TBL1X: variants seen among roughly 807,000 people sequenced by gnomAD.
TBL1X encodes F-box-like/WD repeat-containing protein TBL1X.
In TBL1X, 10 loss-of-function variants were observed where a neutral mutation model predicts 50.7. The observed-to-expected ratio is 0.20, with a 90% CI of 0.12 to 0.33. TBL1X has a LOEUF of 0.33. TBL1X is among the 10% of genes least tolerant of loss of function. The pLI is 1.00. For missense variants in TBL1X, 340 were observed against 504.4 expected, an observed-to-expected ratio of 0.67 and a Z score of 3.12; for synonymous variants, 190 against 214.7, an observed-to-expected ratio of 0.88 and a Z score of 1.01.
chrX:9,644,669 T>C (rs972487645), intron 3 of TBL1X: 1 of 110,170 alleles, frequency 9.1e-6, no homozygotes, highest in African/African-American at 3.3e-5. Flanking sequence ...CTTTTTTTTT[T>C]TTTTTAGATG....
intron 2 of TBL1X, among the ~76,000 whole-genome samples, chrX:9,518,464 C>T (rs1001187177): frequency 8.9e-6 from 1 of 112,566 alleles, no homozygotes; most frequent in African/African-American, 3.2e-5. Context: ...TCGAGAGTCA[C>T]TTACTTCATG....
At chrX:9,558,338 C>T (rs916415833) in intron 2 of TBL1X, among the ~76,000 whole-genome samples, 11 of 110,811 alleles carry the variant, frequency 9.9e-5, no homozygotes, top group African/African-American at 3.0e-4. Context: ...GCCAACATGG[C>T]GAAACCCTGC....
chrX:9,530,809 T>C (rs1317773194), intron 2 of TBL1X, among the ~76,000 whole-genome samples: 1 of 112,154 alleles, frequency 8.9e-6, no homozygotes, highest in Non-Finnish European at 1.9e-5. Context: ...ACATATACTT[T>C]TAAATGGCAC....
chrX:9,681,145 T>C lies in TBL1X; in HGVS notation c.212-2898T>C, dbSNP rs5978334. On this transcript the variant is annotated intron_variant, in intron 5 of 17. Coordinates refer to ENST00000645353, the MANE Select transcript of TBL1X (RefSeq NM_005647.4). ...AGAAATCAAGGGCACACTCCCTCCG[T>C]GGGTTAGACTGAGCTTTGCACACCG... 7.5e-3 allele frequency among the ~76,000 whole-genome samples: 840 copies of C among 111,818 alleles called. 11 individuals are homozygous for C. Among genetic ancestry groups the C allele is most frequent in the African/African-American group, 0.026 (799 of 30,721 alleles).
At chrX:9,513,788 C>G (rs766552340) in intron 2 of TBL1X, among the ~76,000 whole-genome samples, 29 of 109,311 alleles carry the variant, frequency 2.7e-4, no homozygotes, top group Non-Finnish European at 5.3e-4. Context: ...TTATTTGGCA[C>G]ATAGTTCTAC....
At chrX:9,551,135 G>A (rs995682666) in intron 2 of TBL1X, among the ~76,000 whole-genome samples, 2 of 111,465 alleles carry the variant, frequency 1.8e-5, no homozygotes, top group South Asian at 3.8e-4. Context: ...TCTGCTCAGC[G>A]CACCCATGAA....
intron 1 of TBL1X, among the ~76,000 whole-genome samples, chrX:9,479,938 A>G (rs58053048): frequency 0.041 from 3,939 of 94,936 alleles, 227 homozygotes; most frequent in African/African-American, 0.15. Flanking sequence ...GGAAAGTAGA[A>G]TGTGTGTGTG....
chrX:9,474,671 G>T (rs845438), intron 1 of TBL1X, among the ~76,000 whole-genome samples: 1 of 111,861 alleles, frequency 8.9e-6, no homozygotes, highest in Non-Finnish European at 1.9e-5. Flanking sequence ...CTTTTTAAGC[G>T]TTTTATGACT....
chrX:9,560,261 G>A (rs57866330), intron 2 of TBL1X, among the ~76,000 whole-genome samples: 2,363 of 112,074 alleles, frequency 0.021, 41 homozygotes, highest in African/African-American at 0.061. Flanking sequence ...AACTTTGTTG[G>A]GAGGGTTCAG....
chrX:9,471,622 C>T (rs1322115158), intron 1 of TBL1X, among the ~76,000 whole-genome samples: 1 of 111,907 alleles, frequency 8.9e-6, no homozygotes, highest in African/African-American at 3.3e-5. Context: ...AGTTCAGAAA[C>T]CCACAGCGAG....
intron 2 of TBL1X, among the ~76,000 whole-genome samples, chrX:9,602,976 T>C (rs2082564543): frequency 8.9e-6 from 1 of 112,623 alleles, no homozygotes; most frequent in Non-Finnish European, 1.9e-5. Flanking sequence ...CATAAATCAT[T>C]GAATGATACA....
At chrX:9,660,129 G>C (rs1054878601) in intron 5 of TBL1X, among the ~76,000 whole-genome samples, 1 of 112,954 alleles carries the variant, frequency 8.9e-6, no homozygotes, top group African/African-American at 3.2e-5. Context: ...GATTCCGCAG[G>C]CTGGGCCCTG....
intron 2 of TBL1X, among the ~76,000 whole-genome samples, chrX:9,530,793 G>T (rs1344270277): frequency 9.0e-6 from 1 of 111,524 alleles, no homozygotes; most frequent in Non-Finnish European, 1.9e-5. Context: ...ATTTTTTCCC[G>T]AGAATACATA....
At chrX:9,607,415 C>T (rs2082589231) in intron 2 of TBL1X, among the ~76,000 whole-genome samples, 1 of 110,843 alleles carries the variant, frequency 9.0e-6, no homozygotes, top group African/African-American at 3.2e-5. Flanking sequence ...GTGCTGGCAC[C>T]GCCTCACCCT....
intron 1 of TBL1X, among the ~76,000 whole-genome samples, chrX:9,492,882 T>TAG (rs1213143277): frequency 4.7e-5 from 2 of 42,630 alleles, no homozygotes; most frequent in African/African-American, 8.6e-5. Context: ...TGTGTGTGTG[T>TAG]GTGTGTGTGT....
intron 11 of TBL1X, among the ~76,000 whole-genome samples, chrX:9,694,112 T>G (rs1473165415): frequency 9.0e-6 from 1 of 110,845 alleles, no homozygotes; most frequent in Non-Finnish European, 1.9e-5. Flanking sequence ...TCCTCACTTG[T>G]CCAGCGACAA....
At chrX:9,483,245 A>G (rs2081892689) in intron 1 of TBL1X, among the ~76,000 whole-genome samples, 1 of 112,036 alleles carries the variant, frequency 8.9e-6, no homozygotes, top group Admixed American at 9.5e-5. Context: ...GACGTAAGGA[A>G]GTTGAAGGAA....
intron 1 of TBL1X, among the ~76,000 whole-genome samples, chrX:9,468,995 T>G (rs2081795353): frequency 9.1e-6 from 1 of 110,033 alleles, no homozygotes; most frequent in Admixed American, 9.8e-5. Flanking sequence ...TTTATTTTTA[T>G]TTTTAGTAGA....
chrX:9,494,051 G>C (rs1197230915), intron 1 of TBL1X, among the ~76,000 whole-genome samples: 2 of 111,731 alleles, frequency 1.8e-5, no homozygotes, highest in Admixed American at 1.9e-4. Context: ...CACAGCCCTT[G>C]ATCTGAATTG....
Sources: gnomAD v4.1 joint callset for allele counts (sites outside exome capture counted in the v4.1 genomes callset) on GRCh38, gnomAD v4.1.1 for gene constraint, MANE v1.5 for transcripts, NCBI Gene and HGNC (gene_info 2026-07-23, HGNC 2026-07-21) for gene names.